PCDHA11: variants seen among roughly 807,000 people sequenced by gnomAD.
The protein encoded by PCDHA11 is protocadherin alpha-11.
A neutral mutation model predicts 70.3 loss-of-function variants in PCDHA11; 61 were observed. The observed-to-expected ratio is 0.87, with a 90% CI of 0.71 to 1.07. PCDHA11 has a LOEUF of 1.07. Among genes scored for constraint, PCDHA11 ranks in the 50% least tolerant of loss-of-function variants. The pLI is 0.00. For synonymous variants in PCDHA11, 633 were observed against 555.1 expected (o/e 1.14, Z -1.97); for missense variants, 1,324 against 1,237.5 (o/e 1.07, Z -1.05).
intron 1 of PCDHA11, 152 bp downstream of exon 1, chr5:140,871,646 A>G: frequency 7.8e-7 from 1 of 1,275,646 alleles, no homozygotes; most frequent in Non-Finnish European, 1.1e-6. Flanking sequence ...TAAAATACCA[A>G]ATGATACACA....
intron 1 of PCDHA11, chr5:140,883,364 A>T (rs782725621): frequency 6.2e-7 from 1 of 1,614,168 alleles, no homozygotes; most frequent in African/African-American, 1.3e-5. Context: ...CACTCAGCCT[A>T]GCGCCATTAT....
Position 140,882,272 on chromosome 5 carries a change from C to G in PCDHA11, c.2391+10778C>G, listed in dbSNP as rs782377951. On this transcript the variant is annotated intron_variant, in intron 1 of 3. Transcript: ENST00000398640. ...TCTGAGGTTTTTGGAGTGTACCATG[C>G]TGTCTTCCTGGCAAGGAGGCCCAAG... The G allele has an allele frequency of 5.0e-6, 8 of 1,611,430 alleles. No individual in the cohort carries two copies. The highest frequency in any genetic ancestry group is 6.8e-6 in the Non-Finnish European group (8 of 1,178,456).
rs187442653 is a variant in PCDHA11 at position 140,926,080 on chromosome 5, C to T, written c.2392-52869C>T. ...TCCCCTCCTTGTCGTCTCTATTGCC[C>T]TCTTGGCAGCTCCTGGGATACAAGA... On this transcript the variant is annotated intron_variant, in intron 1 of 3. Transcript: ENST00000398640. Among the ~76,000 whole-genome samples, 179 of 152,334 alleles carry T rather than the reference C, an allele frequency of 1.2e-3. 1 individual carries two copies. Among genetic ancestry groups the T allele is most frequent in the African/African-American group, 3.9e-3 (162 of 41,574 alleles).
At chr5:140,937,370 TTATG>T (rs2091504322) in intron 1 of PCDHA11, among the ~76,000 whole-genome samples, 1 of 152,120 alleles carries the variant, frequency 6.6e-6, no homozygotes, top group South Asian at 2.1e-4. Flanking sequence ...ATCTTAATGT[TTATG>T]TGTGTGTATG....
rs946669637 is a variant in PCDHA11, at chr5:140,923,020, G to C, written c.2391+51526G>C. On this transcript the variant is annotated intron_variant, in intron 1 of 3. Coordinates refer to ENST00000398640, the MANE Select transcript of PCDHA11 (RefSeq NM_018902.5). ...AGAATGGTTGTTGGACTGCAGTTTCGGACTCTATTACTACATGTATAGTAT... is the reference window on the plus strand; with the variant it reads ...AGAATGGTTGTTGGACTGCAGTTTCCGACTCTATTACTACATGTATAGTAT... Among the ~76,000 whole-genome samples the C allele has an allele frequency of 2.0e-5, 3 of 152,230 alleles. No homozygotes were observed. The East Asian group carries it at 5.8e-4, about 29-fold the overall frequency.
At chr5:140,873,162 G>A (rs782467879) in intron 1 of PCDHA11, among the ~76,000 whole-genome samples, 21 of 152,108 alleles carry the variant, frequency 1.4e-4, no homozygotes, top group Non-Finnish European at 2.2e-4. Flanking sequence ...ACTTTAGATC[G>A]AGAGCTTTTG....
At chr5:140,948,447 A>G (rs2094256090) in intron 1 of PCDHA11, among the ~76,000 whole-genome samples, 1 of 151,282 alleles carries the variant, frequency 6.6e-6, no homozygotes, top group Non-Finnish European at 1.5e-5. Flanking sequence ...TGTGCCAGGG[A>G]TTTTCTTTTA....
intron 1 of PCDHA11, among the ~76,000 whole-genome samples, chr5:140,916,789 C>T (rs146305877): frequency 2.8e-4 from 42 of 152,168 alleles, no homozygotes; most frequent in Non-Finnish European, 4.7e-4. Context: ...TTAGCTGCCC[C>T]AGCTGATGAC....
chr5:140,926,349 G>A (rs1405832516), intron 1 of PCDHA11: 2 of 152,260 alleles, frequency 1.3e-5, no homozygotes, highest in Admixed American at 1.3e-4. Flanking sequence ...CCCGACGCGC[G>A]GCTCCCAAAG....
At chr5:140,929,391 A>T (rs1563116530) in intron 1 of PCDHA11, 3 of 1,511,404 alleles carry the variant, frequency 2.0e-6, no homozygotes, top group Non-Finnish European at 2.7e-6. Context: ...GTTTTGAAAT[A>T]TTTCTTAGAC....
chr5:140,967,342 C>T (rs149890293), intron 1 of PCDHA11: 40 of 1,607,992 alleles, frequency 2.5e-5, no homozygotes, highest in Non-Finnish European at 3.4e-5. Context: ...CCAGCGAGCA[C>T]TTCGAGCTGG....
At chr5:140,876,798 CG>C (rs1562719394) in intron 1 of PCDHA11, 1 of 1,614,180 alleles carries the variant, frequency 6.2e-7, no homozygotes, top group East Asian at 2.2e-5. Flanking sequence ...CTAGAGTGTC[CG>C]TGGAGGTGGC....
At chr5:140,966,732 G>A in intron 1 of PCDHA11, 1 of 1,415,600 alleles carries the variant, frequency 7.1e-7, no homozygotes, top group South Asian at 1.6e-5. Flanking sequence ...GCCGCCTCCG[G>A]CCCTGCCCGG....
Position 140,877,583 on chromosome 5 carries a change from T to C in PCDHA11, c.2391+6089T>C. On this transcript the variant is annotated intron_variant, in intron 1 of 3. Transcript: ENST00000398640. ...ATTAACGTGTACCTCATCATCGCCA[T>C]CTGTGCGGTGTCCAGCCTGCTGGTG... 6.2e-7 allele frequency: 1 copy of C among 1,613,816 alleles called. No homozygotes were observed. Among genetic ancestry groups the C allele is most frequent in the Admixed American group, 1.7e-5 (1 of 60,032 alleles).
chr5:141,009,356 G>A (rs535761188), intron 3 of PCDHA11, among the ~76,000 whole-genome samples: 1 of 152,204 alleles, frequency 6.6e-6, no homozygotes, highest in Admixed American at 6.5e-5. Flanking sequence ...CTACTTGGGA[G>A]GCTAAGATGG....
chr5:141,008,022 T>C (rs1355928123), intron 3 of PCDHA11, among the ~76,000 whole-genome samples: 3 of 152,226 alleles, frequency 2.0e-5, no homozygotes, highest in Non-Finnish European at 4.4e-5. Context: ...TCCTTTTTTT[T>C]CTTGTTAATC....
At chr5:141,001,522 C>G (rs1554258201) in intron 3 of PCDHA11, among the ~76,000 whole-genome samples, 1 of 152,214 alleles carries the variant, frequency 6.6e-6, no homozygotes, top group African/African-American at 2.4e-5. Context: ...TTCTCCCTCT[C>G]TCTCTGATCC....
chr5:140,980,110 A>G (rs2096876892), intron 2 of PCDHA11, among the ~76,000 whole-genome samples: 1 of 152,208 alleles, frequency 6.6e-6, no homozygotes, highest in Admixed American at 6.5e-5. Context: ...GTCACATTGG[A>G]ACCTGGGTCA....
chr5:140,927,440 C>G (rs782460713), intron 1 of PCDHA11: 2 of 1,614,168 alleles, frequency 1.2e-6, no homozygotes, highest in East Asian at 4.5e-5. Flanking sequence ...AGCGAATACC[C>G]GGAGTTGGTG....
Sources: allele counts gnomAD v4.1 joint callset (sites outside exome capture counted in the v4.1 genomes callset), GRCh38; gene constraint gnomAD v4.1.1; transcripts MANE v1.5; gene names NCBI Gene and HGNC (gene_info 2026-07-23, HGNC 2026-07-21).